PORCN: variants seen among roughly 807,000 people sequenced by gnomAD.
PORCN encodes porcupine O-acyltransferase, also known as protein-serine O-palmitoleoyltransferase porcupine.
PORCN carries 1 observed loss-of-function variant against 43.0 expected under a neutral mutation model. The observed-to-expected ratio is 0.02, with a 90% CI of 0.01 to 0.11. The LOEUF is 0.11. Among genes scored for constraint, PORCN ranks in the 10% least tolerant of loss-of-function variants. The pLI, the probability that PORCN is intolerant of heterozygous loss-of-function variation, is 1.00. For missense variants in PORCN, 240 were observed against 392.1 expected, an observed-to-expected ratio of 0.61 and a Z score of 3.28; for synonymous variants, 148 against 166.4, an observed-to-expected ratio of 0.89 and a Z score of 0.85.
rs782289768 is a variant in PORCN at position 48,516,119 on chromosome X, G to A, written c.1146G>A (p.Pro382=). ...CCTGTGTCTTGTCAAAGCGGTGCCC[G>A]CCAGACTGTTCGCACCAGCATCGCT... ...LSACVLSKRC[P]PDCSHQHRLG... is the part of the protein sequence containing the mutation. The change falls in exon 13 of 15, where the codon CCG becomes CCA. Residue 382 remains proline, a synonymous_variant. Coordinates refer to ENST00000326194, the MANE Select transcript of PORCN (RefSeq NM_203475.3). The A allele has an allele frequency of 9.9e-6, 12 of 1,209,394 alleles. No individual in the cohort carries two copies. The highest frequency in any genetic ancestry group is 3.0e-5 in the East Asian group (1 of 33,744).
intron 13 of PORCN, among the ~76,000 whole-genome samples, chrX:48,516,566 G>A (rs1602079703): frequency 9.0e-6 from 1 of 111,484 alleles, no homozygotes. Flanking sequence ...AAGTATGGGG[G>A]TGATTTCCAT....
chrX:48,517,314 G>C, intron 14 of PORCN, 21 bp downstream of exon 14: 1 of 1,082,783 alleles, frequency 9.2e-7, no homozygotes, highest in Non-Finnish European at 1.3e-6. Context: ...GCCCTGGGCT[G>C]TGTGGTTAAC....
Position 48,520,747 on chromosome X carries a change from G to A in PORCN, c.*271G>A, listed in dbSNP as rs782094671. The A allele has an allele frequency of 9.3e-5, 37 of 397,204 alleles. No homozygotes were observed. Among genetic ancestry groups the A allele is most frequent in the Admixed American group, 5.5e-4 (13 of 23,545 alleles). 32.7% of individuals were successfully genotyped at this position (397,204 alleles called of 1,213,427 possible). A position where few individuals can be genotyped will look rare whatever the true frequency, so the allele number is the denominator to read the frequency against. On this transcript the variant is annotated 3_prime_UTR_variant, in exon 15 of 15. Transcript: ENST00000326194. ...AGAAGGGGAGATCCAGGGCCTCCCC[G>A]CCTTCCTTCTTCCTTTTTATATACA...
At chrX:48,516,553 G>A (rs782238779) in intron 13 of PORCN, among the ~76,000 whole-genome samples, 1 of 111,617 alleles carries the variant, frequency 9.0e-6, no homozygotes, top group African/African-American at 3.3e-5. Flanking sequence ...CAAAGGGGAC[G>A]GGAAGTATGG....
intron 10 of PORCN, 151 bp from the exon 11 acceptor site, chrX:48,515,566 C>A: frequency 1.9e-6 from 1 of 513,806 alleles, no homozygotes; most frequent in Non-Finnish European, 3.5e-6. Context: ...AGATCGGGAG[C>A]TGGGCTTTGG....
chrX:48,518,697 T>C (rs1943746724), intron 14 of PORCN, among the ~76,000 whole-genome samples: 1 of 112,468 alleles, frequency 8.9e-6, no homozygotes, highest in African/African-American at 3.2e-5. Flanking sequence ...CATATGGCTC[T>C]TGCAGAATCC....
In PORCN at chrX:48,520,712, G is replaced by A; in HGVS notation, c.*236G>A. The A allele has an allele frequency of 2.3e-6, 1 of 428,817 alleles. No individual in the cohort carries two copies. The highest frequency in any genetic ancestry group is 2.4e-5 in the African/African-American group (1 of 41,284). 35.3% of individuals were successfully genotyped at this position (428,817 alleles called of 1,213,427 possible). Reference sequence around the variant, plus strand: ...TGCTGGGGCCTAGAGGGGGATGCTTGGGGAAACAGAGAAGGGGAGATCCAG... The same window carrying A: ...TGCTGGGGCCTAGAGGGGGATGCTTAGGGAAACAGAGAAGGGGAGATCCAG... On this transcript the variant is annotated 3_prime_UTR_variant, in exon 15 of 15. Coordinates refer to ENST00000326194, the MANE Select transcript of PORCN (RefSeq NM_203475.3).
Position 48,509,946 on chromosome X carries a change from C to T in PORCN, c.126C>T (p.Leu42=). 8.3e-7 allele frequency: 1 copy of T among 1,205,934 alleles called. No homozygotes were observed. Among genetic ancestry groups the T allele is most frequent in the Non-Finnish European group, 1.1e-6 (1 of 890,523 alleles). Residue 42 remains leucine, a synonymous_variant, in exon 2 of 15, where the codon CTC becomes CTT. Transcript: ENST00000326194. ...LLAICLACRL[L]WRLGLPSYLK... ...CCATCTGCCTCGCCTGCCGCCTCCT[C>T]TGGAGGCTCGGTAAGTGCCTGCCAT...
At chrX:48,517,916 AT>A (rs35209138) in intron 14 of PORCN, among the ~76,000 whole-genome samples, 8,744 of 100,175 alleles carry the variant, frequency 0.087, 336 homozygotes, top group Middle Eastern at 0.15. Context: ...AGACTTCTTA[AT>A]TTTTTTTTTT....
In PORCN at chrX:48,515,754, G is replaced by A. The variant is rs5953244; in HGVS notation, c.984G>A (p.Ser328=). Residue 328 remains serine (S), a synonymous_variant, in exon 11 of 15, where the codon TCG becomes TCA. Transcript: ENST00000326194. ...ATGCTCTCCGCCTGGGGACCTTCTC[G>A]GCTGTGCTGGTCACCTATGCAGCCA... ...FKNALRLGTF[S]AVLVTYAASA... is the part of the protein sequence containing the mutation. The A allele has an allele frequency of 1.4e-5, 17 of 1,210,274 alleles. No homozygotes were observed. The highest frequency in any genetic ancestry group is 8.7e-5 in the Admixed American group (4 of 45,932).
At position 48,520,399 on chromosome X, in the gene PORCN, C is replaced by T. The variant is rs1318551935; in HGVS notation, c.1309C>T (p.His437Tyr). Residue 437 changes from histidine (H) to tyrosine (Y), a missense_variant, in exon 15 of 15, where the codon CAC becomes TAC. Coordinates refer to ENST00000326194, the MANE Select transcript of PORCN (RefSeq NM_203475.3). ...GGGCTACGGCATGGCATACACTGTC[C>T]ACAAGTGGTCAGAGCTCAGCTGGGC... ...EQGYGMAYTV[H>Y]KWSELSWASH... 1.7e-6 allele frequency: 2 copies of T among 1,207,527 alleles called. No homozygotes were observed. Among genetic ancestry groups the T allele is most frequent in the Non-Finnish European group, 2.2e-6 (2 of 893,346 alleles).
At chrX:48,511,211 T>G in intron 2 of PORCN, 84 bp from the exon 3 acceptor site, 1 of 376,904 alleles carries the variant, frequency 2.7e-6, no homozygotes, top group Non-Finnish European at 5.1e-6. Context: ...TCTCTCTCCC[T>G]CCCTCCCTCC....
Position 48,512,085 on chromosome X carries a change from G to A in PORCN, c.373+150G>A, listed in dbSNP as rs1546839. On this transcript the variant is annotated intron_variant, in intron 4 of 14. Transcript: ENST00000326194. ...CAGACCTCACATTACTCTTGGGTCC[G>A]TGTCTCTTTCCACCGTGCATTTTCC... is the stretch of plus-strand genomic sequence containing the variant. The A allele has an allele frequency of 0.36, 198,678 of 553,834 alleles. 25,785 individuals are homozygous for A. Among genetic ancestry groups the A allele is most frequent in the African/African-American group, 0.53 (22,740 of 42,901 alleles). The allele number at this position is 553,834 out of a possible 1,213,427, so 45.6% of individuals were successfully genotyped here. A position where few individuals can be genotyped will look rare whatever the true frequency, so the allele number is the denominator to read the frequency against.
intron 1 of PORCN, chrX:48,509,391 G>A: frequency 2.0e-6 from 1 of 498,517 alleles, no homozygotes; most frequent in Non-Finnish European, 2.9e-6. Context: ...GCCCCCAAGT[G>A]TCACAGAATC....
At position 48,516,142 on chromosome X, in the gene PORCN, G is replaced by A. The variant is rs1556975323; in HGVS notation, c.1169G>A (p.Arg390His). ...RCPPDCSHQH[R>H]LGLGVRALNL... is the part of the protein sequence containing the mutation. Reference sequence around the variant, plus strand: ...CCGCCAGACTGTTCGCACCAGCATCGCTTGGTGAGGGTTCAGCCTGGGCAA... The same window carrying A: ...CCGCCAGACTGTTCGCACCAGCATCACTTGGTGAGGGTTCAGCCTGGGCAA... The change falls in exon 13 of 15, where the codon CGC (arginine) becomes CAC (histidine). Residue 390 changes from arginine (R) to histidine (H), a missense_variant. Physicochemically the swap from Arg to His is conservative, Grantham distance 29 (BLOSUM62 0). Transcript: ENST00000326194. The A allele has an allele frequency of 2.5e-6, 3 of 1,208,802 alleles. No homozygotes were observed. Among genetic ancestry groups the A allele is most frequent in the East Asian group, 3.0e-5 (1 of 33,827 alleles).
At chrX:48,520,109 C>T (rs1257934432) in intron 14 of PORCN, among the ~76,000 whole-genome samples, 1 of 112,356 alleles carries the variant, frequency 8.9e-6, no homozygotes, top group East Asian at 2.8e-4. Context: ...CCTTCTCTGG[C>T]AATTTTTCTT....
intron 14 of PORCN, 116 bp downstream of exon 14, chrX:48,517,409 C>T (rs782002300): frequency 2.4e-4 from 128 of 525,258 alleles, no homozygotes; most frequent in Non-Finnish European, 2.3e-4. Flanking sequence ...TGTGCTGCTT[C>T]GCCTGGGCAG....
intron 10 of PORCN, 198 bp from the exon 11 acceptor site, chrX:48,515,519 G>A (rs1009071657): frequency 4.3e-6 from 2 of 468,466 alleles, no homozygotes; most frequent in Admixed American, 6.3e-5. Context: ...AGTTGACATT[G>A]ACTGAACTTG....
At chrX:48,511,961 G>C (rs782820323) in intron 4 of PORCN, 26 bp downstream of exon 4, 31 of 1,163,749 alleles carry the variant, frequency 2.7e-5, no homozygotes, top group Non-Finnish European at 3.5e-5. Flanking sequence ...CCTCTCACCT[G>C]CCCAACCCCC....
Sources: gnomAD v4.1 joint callset for allele counts (sites outside exome capture counted in the v4.1 genomes callset) on GRCh38, gnomAD v4.1.1 for gene constraint, MANE v1.5 for transcripts, NCBI Gene and HGNC (gene_info 2026-07-23, HGNC 2026-07-21) for gene names.